KCND2: variants seen among roughly 807,000 people sequenced by gnomAD.
KCND2 encodes the protein potassium voltage-gated channel subfamily D member 2.
A neutral mutation model predicts 54.4 loss-of-function variants in KCND2; 16 were observed. The observed-to-expected ratio is 0.29, with a 90% confidence interval of 0.20 to 0.45. The LOEUF (loss-of-function observed/expected upper bound fraction) is 0.45, where lower values mean the gene tolerates loss of function less well. Ranked by LOEUF, KCND2 falls within the 20% of genes least tolerant of loss-of-function variation. The pLI, the probability that KCND2 is intolerant of heterozygous loss-of-function variation, is 1.00. For synonymous variants in KCND2, 317 were observed against 310.7 expected, an observed-to-expected ratio of 1.02 and a Z score of -0.21; for missense variants, 486 against 824.2, an observed-to-expected ratio of 0.59 and a Z score of 5.02.
chr7:120,675,583 A>T (rs374858059), intron 1 of KCND2, among the ~76,000 whole-genome samples: 22 of 152,050 alleles, frequency 1.4e-4, no homozygotes, highest in East Asian at 5.8e-4. Flanking sequence ...TATGAAGCAT[A>T]TGCCCAATTC....
rs1356931204 is a variant in KCND2, at chr7:120,327,036, A to T, written c.1115+51289A>T. On this transcript the variant is annotated intron_variant, in intron 1 of 5. Transcript: ENST00000331113. ...AAAAATGCCATTTTTTTAGATTTGA[A>T]TGTTACTTTTTGTTGACAATAAGTC... 3.9e-5 allele frequency among the ~76,000 whole-genome samples: 6 copies of T among 152,134 alleles called. No homozygotes were observed. The East Asian group carries it at 1.2e-3, about 29-fold the overall frequency.
At chr7:120,447,729 T>G (rs1381560456) in intron 1 of KCND2, among the ~76,000 whole-genome samples, 1 of 152,232 alleles carries the variant, frequency 6.6e-6, no homozygotes, top group Non-Finnish European at 1.5e-5. Context: ...TTTTATTTAT[T>G]CTTGTAAACA....
chr7:120,650,070 T>C (rs1234174712), intron 1 of KCND2, among the ~76,000 whole-genome samples: 2 of 151,806 alleles, frequency 1.3e-5, no homozygotes, highest in African/African-American at 4.9e-5. Flanking sequence ...ATTTCAACTT[T>C]GGTGAATCTG....
chr7:120,518,291 A>G (rs1454835788), intron 1 of KCND2, among the ~76,000 whole-genome samples: 3 of 152,196 alleles, frequency 2.0e-5, no homozygotes, highest in Non-Finnish European at 4.4e-5. Context: ...TTGACTGACT[A>G]TATAGTGTTA....
At position 120,737,324 on chromosome 7, in the gene KCND2, A is replaced by T. The variant is rs746558179; in HGVS notation, c.1279-4210A>T. On this transcript the variant is annotated intron_variant, in intron 2 of 5. Transcript: ENST00000331113. Reference sequence around the variant, plus strand: ...AATAACTACTTGCTAGAACCTGAGAATGATCTCTTAGGTTATCTACTGTTA... The same window carrying T: ...AATAACTACTTGCTAGAACCTGAGATTGATCTCTTAGGTTATCTACTGTTA... Among the ~76,000 whole-genome samples, 25 of 152,138 alleles carry T rather than the reference A, an allele frequency of 1.6e-4. 1 individual carries two copies. The Middle Eastern group carries it at 0.01, about 62-fold the overall frequency.
At chr7:120,408,302 G>T (rs77325947) in intron 1 of KCND2, among the ~76,000 whole-genome samples, 9,182 of 151,914 alleles carry the variant, frequency 0.06, 858 homozygotes, top group African/African-American at 0.21. Context: ...AGATTAAATT[G>T]TTGTCCTTTC....
intron 1 of KCND2, among the ~76,000 whole-genome samples, chr7:120,344,949 A>C (rs1800292876): frequency 6.6e-6 from 1 of 152,206 alleles, no homozygotes; most frequent in African/African-American, 2.4e-5. Flanking sequence ...ATTGGACAAT[A>C]AATGCAATAA....
chr7:120,376,005 C>T (rs1014299335), intron 1 of KCND2, among the ~76,000 whole-genome samples: 9 of 151,662 alleles, frequency 5.9e-5, no homozygotes, highest in South Asian at 2.1e-4. Context: ...GCTAACCAAG[C>T]GTAGGCAGAG....
At chr7:120,482,831 T>C (rs1802626276) in intron 1 of KCND2, among the ~76,000 whole-genome samples, 1 of 152,238 alleles carries the variant, frequency 6.6e-6, no homozygotes, top group Non-Finnish European at 1.5e-5. Context: ...AACAACACTT[T>C]AAGAATTTTT....
chr7:120,500,243 C>A (rs985900464), intron 1 of KCND2, among the ~76,000 whole-genome samples: 1 of 152,152 alleles, frequency 6.6e-6, no homozygotes, highest in Non-Finnish European at 1.5e-5. Flanking sequence ...ATTACTTATT[C>A]TGTGGCTTAC....
intron 1 of KCND2, among the ~76,000 whole-genome samples, chr7:120,490,505 CATATTTTACTAT>C (rs1168731454): frequency 6.6e-6 from 1 of 152,054 alleles, no homozygotes; most frequent in Non-Finnish European, 1.5e-5. Flanking sequence ...TGTAATCTTA[CATATTTTACTAT>C]ATGGACTTTA....
chr7:120,710,330 G>A (rs940615439), intron 1 of KCND2, among the ~76,000 whole-genome samples: 2 of 152,116 alleles, frequency 1.3e-5, no homozygotes, highest in African/African-American at 2.4e-5. Flanking sequence ...ATTGATTGAG[G>A]TATTAAATAT....
intron 3 of KCND2, among the ~76,000 whole-genome samples, chr7:120,742,067 T>C (rs1792948469): frequency 6.6e-6 from 1 of 152,198 alleles, no homozygotes. Context: ...GAAGATCATA[T>C]GGCATAAACT....
At chr7:120,292,070 C>A (rs2116277676) in intron 1 of KCND2, among the ~76,000 whole-genome samples, 1 of 151,856 alleles carries the variant, frequency 6.6e-6, no homozygotes, top group Admixed American at 6.6e-5. Context: ...AGTTTAAGAT[C>A]CCCCATCTCT....
intron 1 of KCND2, among the ~76,000 whole-genome samples, chr7:120,554,879 T>G (rs1041053256): frequency 6.6e-6 from 1 of 152,306 alleles, no homozygotes; most frequent in Non-Finnish European, 1.5e-5. Context: ...TTTCCTTCTT[T>G]GCAGTTACCT....
chr7:120,564,084 CA>C (rs1792268290), intron 1 of KCND2, among the ~76,000 whole-genome samples: 1 of 151,960 alleles, frequency 6.6e-6, no homozygotes, highest in Admixed American at 6.6e-5. Flanking sequence ...TAAATTTGGA[CA>C]AATAACTTTC....
At chr7:120,690,455 A>G (rs1792254684) in intron 1 of KCND2, among the ~76,000 whole-genome samples, 1 of 152,220 alleles carries the variant, frequency 6.6e-6, no homozygotes, top group African/African-American at 2.4e-5. Context: ...GGCAGAGAGG[A>G]GAACCACGTG....
intron 1 of KCND2, among the ~76,000 whole-genome samples, chr7:120,365,503 A>G (rs1030916731): frequency 2.0e-5 from 3 of 152,098 alleles, no homozygotes; most frequent in African/African-American, 7.2e-5. Flanking sequence ...TTCAGTCCCT[A>G]TTCAGGGAGG....
chr7:120,289,169 G>T (rs1310027000), intron 1 of KCND2, among the ~76,000 whole-genome samples: 2 of 151,894 alleles, frequency 1.3e-5, no homozygotes, highest in Admixed American at 1.3e-4. Context: ...ATGGGACAAA[G>T]AATAGAGTAT....
Sources: allele counts gnomAD v4.1 joint callset (sites outside exome capture counted in the v4.1 genomes callset), GRCh38; gene constraint gnomAD v4.1.1; transcripts MANE v1.5; gene names NCBI Gene and HGNC (gene_info 2026-07-23, HGNC 2026-07-21).